ECM2: variants seen among roughly 807,000 people sequenced by gnomAD.
ECM2 encodes the protein extracellular matrix protein 2, female organ and adipocyte specific.
A neutral mutation model predicts 67.5 loss-of-function variants in ECM2; 57 were observed. The observed-to-expected ratio is 0.84, with a 90% CI of 0.68 to 1.05. The LOEUF (loss-of-function observed/expected upper bound fraction) is 1.05, where lower values mean the gene tolerates loss of function less well. Ranked by LOEUF, ECM2 falls within the 50% of genes least tolerant of loss-of-function variation. The pLI, the probability that ECM2 is intolerant of heterozygous loss-of-function variation, is 0.00. For synonymous variants in ECM2, 258 were observed against 294.5 expected (o/e 0.88, Z 1.27); for missense variants, 741 against 822.8 (o/e 0.90, Z 1.22).
chr9:92,547,466 T>C, the ECM2 span, among the ~76,000 whole-genome samples: 1 of 152,234 alleles, frequency 6.6e-6, no homozygotes, highest in South Asian at 2.1e-4. Context: ...GAATATTATT[T>C]GGTAATAAAA....
At chr9:92,553,244 T>C in the ECM2 span, among the ~76,000 whole-genome samples, 347 of 152,310 alleles carry the variant, frequency 2.3e-3, no homozygotes, top group Non-Finnish European at 2.7e-3. Flanking sequence ...TATTTCTGGG[T>C]TGTCTATTCT....
chr9:92,516,072 T>TCCCCCCCCCCCCCC (rs76297691), intron 3 of ECM2, among the ~76,000 whole-genome samples: 2 of 139,800 alleles, frequency 1.4e-5, no homozygotes, highest in African/African-American at 2.6e-5. Flanking sequence ...TACTTTTTTT[T>TCCCCCCCCCCCCCC]CCCCCCCCCG....
chr9:92,505,557 C>A lies in ECM2; in HGVS notation c.1440G>T (p.Pro480=). ...RLGKNKFRII[P]QGLPGSIEEL... ...CCTCAATAGAACCAGGAAGACCCTG[C>A]GGTATAATTCTAAATTTATTTTTTC... The change falls in exon 7 of 10, where the codon CCG becomes CCT. Residue 480 remains proline, a synonymous_variant. Coordinates refer to ENST00000344604, the MANE Select transcript of ECM2 (RefSeq NM_001393.4). The A allele has an allele frequency of 1.2e-6, 2 of 1,602,586 alleles. No homozygotes were observed. Among genetic ancestry groups the A allele is most frequent in the Middle Eastern group, 1.7e-4 (1 of 6,036 alleles).
chr9:92,522,438 A>G, intron 2 of ECM2, 137 bp downstream of exon 2: 2 of 1,013,120 alleles, frequency 2.0e-6, no homozygotes, highest in Non-Finnish European at 2.7e-6. Context: ...CCAAAAAGTA[A>G]TATAATAACC....
intron 1 of ECM2, among the ~76,000 whole-genome samples, chr9:92,523,953 CCAA>C (rs1331801164): frequency 1.3e-5 from 2 of 152,182 alleles, no homozygotes; most frequent in Non-Finnish European, 2.9e-5. Context: ...AGCCTTTTCC[CCAA>C]CAACAATTTG....
the ECM2 span, among the ~76,000 whole-genome samples, chr9:92,552,198 C>CAA: frequency 3.3e-4 from 49 of 148,492 alleles, no homozygotes; most frequent in Non-Finnish European, 4.5e-5. Context: ...TATACACACA[C>CAA]ACACACACAC....
chr9:92,509,348 C>T (rs1847199196), intron 6 of ECM2, among the ~76,000 whole-genome samples: 1 of 152,202 alleles, frequency 6.6e-6, no homozygotes, highest in African/African-American at 2.4e-5. Flanking sequence ...ATCTCAGCCG[C>T]ATATGCAGTG....
At chr9:92,541,941 C>T in the ECM2 span, among the ~76,000 whole-genome samples, 1 of 152,032 alleles carries the variant, frequency 6.6e-6, no homozygotes, top group African/African-American at 2.4e-5. Flanking sequence ...TTACAAGCAT[C>T]CGCCGCCGCA....
chr9:92,500,937 T>C lies in ECM2; in HGVS notation c.1721A>G (p.Tyr574Cys), dbSNP rs1846633872. The part of the protein sequence containing the change: ...LGNQIERIPG[Y>C]VFGHMEPGLE... ...GCCTGGTTCCATGTGGCCAAACACA[T>C]AGCCAGGGATCCGTTCAATCTGGTT... The change falls in exon 9 of 10, where the codon TAT (tyrosine) becomes TGT (cysteine). Residue 574 changes from tyrosine (Y) to cysteine (C), a missense_variant. Physicochemically the swap from Tyr to Cys is radical, Grantham distance 194 (BLOSUM62 -2). Coordinates refer to ENST00000344604, the MANE Select transcript of ECM2 (RefSeq NM_001393.4). 17 of 1,614,122 alleles carry C rather than the reference T, an allele frequency of 1.1e-5. No homozygotes were observed. The highest frequency in any genetic ancestry group is 1.4e-5 in the Non-Finnish European group (16 of 1,180,016).
chr9:92,534,663 A>C (rs1363784729), intron 1 of ECM2, among the ~76,000 whole-genome samples: 1 of 152,240 alleles, frequency 6.6e-6, no homozygotes, highest in Non-Finnish European at 1.5e-5. Flanking sequence ...CTGAAATCAT[A>C]AAAGTCAATT....
At chr9:92,499,544 A>C (rs1846549087) in intron 9 of ECM2, among the ~76,000 whole-genome samples, 1 of 152,220 alleles carries the variant, frequency 6.6e-6, no homozygotes, top group African/African-American at 2.4e-5. Context: ...TGACCACTTC[A>C]ATCCAGTGAT....
At chr9:92,540,720 G>A (rs1301266857), upstream of ECM2, among the ~76,000 whole-genome samples, 4 of 150,470 alleles carry the variant, frequency 2.7e-5, no homozygotes, top group Non-Finnish European at 4.4e-5. Context: ...GTGGGGAGCC[G>A]AGATCACACC....
chr9:92,503,170 A>G (rs1261437330), intron 7 of ECM2, among the ~76,000 whole-genome samples: 2 of 152,210 alleles, frequency 1.3e-5, no homozygotes, highest in South Asian at 2.1e-4. Context: ...TTTAAAATGT[A>G]TTAGCTATAA....
chr9:92,538,339 GATGTATGTA>G (rs1849238633), upstream of ECM2, among the ~76,000 whole-genome samples: 2 of 152,178 alleles, frequency 1.3e-5, no homozygotes, highest in African/African-American at 4.8e-5. Context: ...ACCTTCTTTT[GATGTATGTA>G]ATTTAGCATT....
the ECM2 span, among the ~76,000 whole-genome samples, chr9:92,549,290 C>T: frequency 6.6e-6 from 1 of 152,122 alleles, no homozygotes; most frequent in Non-Finnish European, 1.5e-5. Flanking sequence ...TTCTCATAAC[C>T]AAAACTGTCC....
chr9:92,551,096 G>A, the ECM2 span, among the ~76,000 whole-genome samples: 15 of 152,110 alleles, frequency 9.9e-5, no homozygotes, highest in Admixed American at 9.8e-4. Flanking sequence ...GCATTTCCTG[G>A]GGAGGTGGCT....
Position 92,514,631 on chromosome 9 carries a change from C to A in ECM2, c.1054G>T (p.Gly352Cys). The A allele has an allele frequency of 6.4e-7, 1 of 1,565,112 alleles. No individual in the cohort carries two copies. The highest frequency in any genetic ancestry group is 1.2e-5 in the South Asian group (1 of 83,982). Residue 352 changes from glycine (G) to cysteine (C), a missense_variant and splice_region_variant, in exon 4 of 10, where the codon GGC becomes TGC. Gly to Cys is a radical substitution (Grantham distance 159, BLOSUM62 -3). Coordinates refer to ENST00000344604, the MANE Select transcript of ECM2 (RefSeq NM_001393.4). The part of the protein sequence containing the change: ...APQITSLELT[G>C]NSIASIPDEA... ...TAAAGCAGAAGTCAACATCTCTTAC[C>A]AGTGAGCTCCAGACTTGTTATCTGT...
the ECM2 span, among the ~76,000 whole-genome samples, chr9:92,556,003 A>G: frequency 6.6e-6 from 1 of 151,992 alleles, no homozygotes; most frequent in African/African-American, 2.4e-5. Context: ...GTGCTCTTTC[A>G]GACTTTTTGA....
Position 92,517,842 on chromosome 9 carries a change from G to GTTAT in ECM2, c.322_325dup (p.Thr109AsnfsTer12), listed in dbSNP as rs1340398036. 2 of 1,614,032 alleles carry GTTAT rather than the reference G, an allele frequency of 1.2e-6. No individual in the cohort carries two copies. The highest frequency in any genetic ancestry group is 1.7e-6 in the Non-Finnish European group (2 of 1,180,044). ...CGACCACACAGCTTTGTTGTACATG[G>GTTAT]TTATGCCCTTTACCAAACAGTGTCC... On this transcript the variant is annotated frameshift_variant, in exon 3 of 10. Coordinates refer to ENST00000344604, the MANE Select transcript of ECM2 (RefSeq NM_001393.4). LOFTEE classifies it high-confidence loss of function.
Sources: allele counts gnomAD v4.1 joint callset (sites outside exome capture counted in the v4.1 genomes callset), GRCh38; gene constraint gnomAD v4.1.1; transcripts MANE v1.5; gene names NCBI Gene and HGNC (gene_info 2026-07-23, HGNC 2026-07-21).